ASCL5: variants seen among roughly 807,000 people sequenced by gnomAD.
ASCL5 encodes achaete-scute family bHLH transcription factor 5, also known as achaete-scute homolog 5.
For synonymous variants in ASCL5, 124 were observed against 131.5 expected, an observed-to-expected ratio of 0.94 and a Z score of 0.39; for missense variants, 262 against 268.9, an observed-to-expected ratio of 0.97 and a Z score of 0.18.
At chr1:201,123,090 G>A (rs1663514227) in intron 1 of ASCL5, among the ~76,000 whole-genome samples, 2 of 152,132 alleles carry the variant, frequency 1.3e-5, no homozygotes, top group African/African-American at 4.8e-5. Flanking sequence ...AGGACGGCAG[G>A]TGCCCCACCA....
intron 1 of ASCL5, among the ~76,000 whole-genome samples, chr1:201,118,487 G>A (rs2057580): frequency 0.55 from 72,766 of 133,118 alleles, 19,034 homozygotes; most frequent in African/African-American, 0.72. Context: ...CCTGTCTCAA[G>A]AAAAAAAAAA....
chr1:201,117,136 C>A lies in ASCL5; in HGVS notation c.-505-1259G>T, dbSNP rs555330977. On this transcript the variant is annotated intron_variant, in intron 1 of 1. Transcript: ENST00000449188. ...TAAGCGTCATGGAGACTTAGGTATG[C>A]TCTCAAAAGTGAAACCAGGCCGGGC... Among the ~76,000 whole-genome samples, 10 of 152,312 alleles carry A rather than the reference C, an allele frequency of 6.6e-5. No homozygotes were observed. In the South Asian group the frequency reaches 2.1e-3, roughly 32 times the overall value.
intron 1 of ASCL5, among the ~76,000 whole-genome samples, chr1:201,124,947 T>G (rs1234947044): frequency 6.6e-6 from 1 of 152,178 alleles, no homozygotes; most frequent in African/African-American, 2.4e-5. Context: ...GCTCCCTCTG[T>G]GTGCAGGCTG....
At chr1:201,126,533 A>G (rs1284907543) in intron 1 of ASCL5, among the ~76,000 whole-genome samples, 2 of 152,210 alleles carry the variant, frequency 1.3e-5, no homozygotes, top group African/African-American at 2.4e-5. Context: ...TTTATATAAC[A>G]TTTATTCTAT....
chr1:201,123,422 GC>G (rs1184298064), intron 1 of ASCL5, among the ~76,000 whole-genome samples: 3 of 152,006 alleles, frequency 2.0e-5, no homozygotes, highest in Non-Finnish European at 4.4e-5. Flanking sequence ...GCCCACACAT[GC>G]CTAGCACTTA....
At chr1:201,116,059 T>G (rs967872423) in intron 1 of ASCL5, among the ~76,000 whole-genome samples, 182 bp from the exon 2 acceptor site, 7 of 152,196 alleles carry the variant, frequency 4.6e-5, no homozygotes, top group Admixed American at 4.6e-4. Flanking sequence ...GGGTGACCAC[T>G]CTGAGTCGTG....
chr1:201,126,414 A>C (rs1335141621), intron 1 of ASCL5, among the ~76,000 whole-genome samples: 1 of 152,158 alleles, frequency 6.6e-6, no homozygotes, highest in Non-Finnish European at 1.5e-5. Flanking sequence ...CCCTTAAATC[A>C]CTTTCTATTC....
chr1:201,124,340 G>T (rs10158720), intron 1 of ASCL5, among the ~76,000 whole-genome samples: 34,741 of 152,004 alleles, frequency 0.23, 5,103 homozygotes, highest in African/African-American at 0.42. Context: ...GCCCCCAAGG[G>T]TGCTGCCTGC....
In ASCL5 at chr1:201,115,358, G is replaced by T; in HGVS notation, c.15C>A (p.Phe5Leu). 1 of 1,231,500 alleles carries T rather than the reference G, an allele frequency of 8.1e-7. No homozygotes were observed. Among genetic ancestry groups the T allele is most frequent in the South Asian group, 4.1e-5 (1 of 24,318 alleles). 76.3% of individuals were successfully genotyped at this position (1,231,500 alleles called of 1,614,324 possible). Residue 5 changes from phenylalanine (F) to leucine (L), a missense_variant, in exon 2 of 2, where the codon TTC (phenylalanine) becomes TTA (leucine). Phe to Leu is a conservative substitution (Grantham distance 22). Transcript: ENST00000449188. Reference sequence around the variant, plus strand: ...GCCTCCGGTCCACCAGAGCCCGGCAGAAGTTATTGTTCATGGTGCCGCGTG... The same window carrying T: ...GCCTCCGGTCCACCAGAGCCCGGCATAAGTTATTGTTCATGGTGCCGCGTG... MNNNFCRALVDRRPL... is the reference protein window; with the variant it reads MNNNLCRALVDRRPL...
Position 201,114,949 on chromosome 1 carries a change from C to T in ASCL5, c.424G>A (p.Ala142Thr), listed in dbSNP as rs1663306079. ...IKYLQELLSS[A>T]PDGSTPPASR... ...GCGGGGGGCGTCGAGCCGTCGGGGG[C>T]CGAGCTCAGCAGCTCTTGCAGGTAC... The change falls in exon 2 of 2, where the codon GCC becomes ACC. Residue 142 changes from alanine to threonine, a missense_variant. By Grantham distance (58) the Ala-to-Thr change is moderately conservative. Transcript: ENST00000449188. 4 of 1,231,272 alleles carry T rather than the reference C, an allele frequency of 3.2e-6. No homozygotes were observed. Among genetic ancestry groups the T allele is most frequent in the East Asian group, 3.2e-5 (1 of 31,682 alleles). 76.3% of individuals were successfully genotyped at this position (1,231,272 alleles called of 1,614,324 possible).
intron 1 of ASCL5, among the ~76,000 whole-genome samples, chr1:201,116,972 G>A (rs570099822): frequency 5.5e-4 from 83 of 152,282 alleles, no homozygotes; most frequent in African/African-American, 1.9e-3. Flanking sequence ...GACAGGAGGA[G>A]GTGGTGGCAA....
chr1:201,119,575 G>A lies in ASCL5; in HGVS notation c.-505-3698C>T, dbSNP rs550463343. 4.6e-5 allele frequency among the ~76,000 whole-genome samples: 7 copies of A among 152,284 alleles called. No individual in the cohort carries two copies. In the East Asian group the frequency reaches 1.3e-3, roughly 29 times the overall value. ...GGTAAGAGAAGACCCCTTAGGAAAA[G>A]CTACTGAGTTTTCTGTCAACATCTA... On this transcript the variant is annotated intron_variant, in intron 1 of 1. Transcript: ENST00000449188.
At chr1:201,126,543 T>C (rs546946327) in intron 1 of ASCL5, among the ~76,000 whole-genome samples, 1 of 152,354 alleles carries the variant, frequency 6.6e-6, no homozygotes, top group East Asian at 1.9e-4. Context: ...ATTTATTCTA[T>C]GCCAAGTACT....
chr1:201,115,247 G>A lies in ASCL5; in HGVS notation c.126C>T (p.Asn42=). ...GGCCCGGGTACAGCAGGAAGGGCAC[G>A]TTGCCCAGGGGCTCGGCGGGGGGCA... ...APLPPAEPLG[N]VPFLLYPGPA... Residue 42 remains asparagine, a synonymous_variant, in exon 2 of 2, where the codon AAC becomes AAT. Transcript: ENST00000449188. The A allele has an allele frequency of 1.6e-6, 2 of 1,231,522 alleles. No homozygotes were observed. Among genetic ancestry groups the A allele is most frequent in the Non-Finnish European group, 1.0e-6 (1 of 987,868 alleles). 76.3% of individuals were successfully genotyped at this position (1,231,522 alleles called of 1,614,324 possible). A position where few individuals can be genotyped will look rare whatever the true frequency, so the allele number is the denominator to read the frequency against.
intron 1 of ASCL5, among the ~76,000 whole-genome samples, chr1:201,121,071 G>A (rs1663445122): frequency 6.6e-6 from 1 of 152,190 alleles, no homozygotes; most frequent in South Asian, 2.1e-4. Context: ...TGCATAATTT[G>A]AGAAATGCAG....
At chr1:201,120,833 A>T (rs979654320) in intron 1 of ASCL5, among the ~76,000 whole-genome samples, 2 of 152,118 alleles carry the variant, frequency 1.3e-5, no homozygotes, top group Non-Finnish European at 2.9e-5. Context: ...TTCTTCTCCT[A>T]CCACTCTGAG....
At chr1:201,124,637 T>C (rs1421253378) in intron 1 of ASCL5, among the ~76,000 whole-genome samples, 1 of 152,196 alleles carries the variant, frequency 6.6e-6, no homozygotes, top group African/African-American at 2.4e-5. Context: ...GCAGATCATA[T>C]TAATAGATCC....
chr1:201,118,534 A>AG (rs957365175), intron 1 of ASCL5, among the ~76,000 whole-genome samples: 11 of 151,932 alleles, frequency 7.2e-5, no homozygotes, highest in African/African-American at 1.7e-4. Flanking sequence ...AAGATACCAT[A>AG]GGGGGGTACA....
intron 1 of ASCL5, among the ~76,000 whole-genome samples, chr1:201,120,966 G>A (rs1170679167): frequency 6.6e-6 from 1 of 152,208 alleles, no homozygotes; most frequent in African/African-American, 2.4e-5. Flanking sequence ...GAAGCCCCAA[G>A]GACTCAGAAT....
Sources: allele counts gnomAD v4.1 joint callset (sites outside exome capture counted in the v4.1 genomes callset), GRCh38; gene constraint gnomAD v4.1.1; transcripts MANE v1.5; gene names NCBI Gene and HGNC (gene_info 2026-07-23, HGNC 2026-07-21).